The following PREPL variants were observed in gnomAD, a reference collection of about 807,000 sequenced individuals.
PREPL encodes the protein prolyl endopeptidase-like.
Under a neutral mutation model 70.6 loss-of-function variants are expected in PREPL, and 77 were observed. The ratio of observed to expected loss-of-function variants is 1.09; its 90% CI spans 0.91 to 1.32. The LOEUF is 1.32. Ranked by LOEUF, PREPL falls within the 40% of genes most tolerant of loss-of-function variation. The pLI, the probability that PREPL is intolerant of heterozygous loss-of-function variation, is 0.00. For missense variants in PREPL, 1,002 were observed against 778.2 expected, an observed-to-expected ratio of 1.29 and a Z score of -3.42; for synonymous variants, 315 against 264.8, an observed-to-expected ratio of 1.19 and a Z score of -1.84.
chr2:44,320,381 A>C lies in PREPL; in HGVS notation c.*975T>G. On this transcript the variant is annotated 3_prime_UTR_variant, in exon 14 of 14. Transcript: ENST00000409411. ...TCTTTATCGTGGTTCTGAATTTTGG[A>C]GAATCAACACTGTTAAATCTACATA... is the stretch of plus-strand genomic sequence containing the variant. 1 of 1,614,110 alleles carries C rather than the reference A, an allele frequency of 6.2e-7. No homozygotes were observed. Among genetic ancestry groups the C allele is most frequent in the Non-Finnish European group, 8.5e-7 (1 of 1,179,964 alleles).
At position 44,343,945 on chromosome 2, in the gene PREPL, T is replaced by C. The variant is rs138555092; in HGVS notation, c.149A>G (p.Asn50Ser). ...ATTGAATAAAACTTCATAATTATCA[T>C]TGTCTGCTGTATAAAGAAAAATACG... The part of the protein sequence containing the change: ...LVRSKDEEAD[N>S]DNYEVLFNLE... Residue 50 changes from asparagine to serine, a missense_variant, in exon 4 of 14, where the codon AAT becomes AGT. Asn to Ser is a conservative substitution (Grantham distance 46). Coordinates refer to ENST00000409411, the MANE Select transcript of PREPL (RefSeq NM_001171613.2). 3,657 of 1,613,670 alleles carry C rather than the reference T, an allele frequency of 2.3e-3. 10 individuals are homozygous for C. Among genetic ancestry groups the C allele is most frequent in the Middle Eastern group, 3.8e-3 (23 of 6,056 alleles).
At chr2:44,359,916 G>T (rs1158075013) in intron 1 of PREPL, 2 of 532,676 alleles carry the variant, frequency 3.8e-6, no homozygotes, top group Non-Finnish European at 6.6e-6. Context: ...AAAAACCTGT[G>T]TAAGTTAAAG....
At chr2:44,353,602 T>A (rs537664458) in intron 1 of PREPL, among the ~76,000 whole-genome samples, 153 of 150,562 alleles carry the variant, frequency 1.0e-3, no homozygotes, top group East Asian at 3.7e-3. Context: ...AATAAATAAA[T>A]AAATAAATAA....
At chr2:44,334,600 C>T (rs1388317701) in intron 7 of PREPL, among the ~76,000 whole-genome samples, 1 of 152,214 alleles carries the variant, frequency 6.6e-6, no homozygotes, top group Non-Finnish European at 1.5e-5. Flanking sequence ...GGCTGGAATG[C>T]AGTGGCGTGA....
chr2:44,329,256 T>A (rs1026588422), intron 8 of PREPL, 144 bp from the exon 9 acceptor site: 3 of 646,794 alleles, frequency 4.6e-6, no homozygotes, highest in Non-Finnish European at 7.6e-6. Flanking sequence ...AGAAAAAGAA[T>A]TATGGTCTCT....
chr2:44,343,960 AGAAAAATAC>A lies in PREPL; in HGVS notation c.143-18_143-10del. The A allele has an allele frequency of 6.2e-7, 1 of 1,610,524 alleles. No individual in the cohort carries two copies. The highest frequency in any genetic ancestry group is 8.5e-7 in the Non-Finnish European group (1 of 1,178,986). On this transcript the variant is annotated splice_polypyrimidine_tract_variant and intron_variant, in intron 3 of 13. Coordinates refer to ENST00000409411, the MANE Select transcript of PREPL (RefSeq NM_001171613.2). ...ATAATTATCATTGTCTGCTGTATAAAGAAAAATACGAAAGTGATAACTTCAAAGGATGTA... is the reference window on the plus strand; with the variant it reads ...ATAATTATCATTGTCTGCTGTATAAAGAAAGTGATAACTTCAAAGGATGTA...
intron 1 of PREPL, chr2:44,359,807 T>C (rs1677474507): frequency 5.7e-6 from 5 of 878,028 alleles, no homozygotes; most frequent in Non-Finnish European, 7.2e-6. Context: ...GTTCTCAGAG[T>C]AACTAAGATC....
chr2:44,335,173 G>C (rs1014542865), intron 7 of PREPL, among the ~76,000 whole-genome samples: 11 of 152,150 alleles, frequency 7.2e-5, no homozygotes, highest in Admixed American at 7.2e-4. Context: ...TGAAGAGATA[G>C]AAGATACAGA....
intron 1 of PREPL, among the ~76,000 whole-genome samples, chr2:44,346,786 G>A (rs1227452656): frequency 2.6e-5 from 4 of 151,832 alleles, no homozygotes; most frequent in Admixed American, 6.6e-5. Context: ...AATCTTTCGC[G>A]TTTAGGAAGT....
intron 9 of PREPL, among the ~76,000 whole-genome samples, chr2:44,327,322 G>C (rs978710956): frequency 1.3e-5 from 2 of 152,192 alleles, no homozygotes; most frequent in Admixed American, 1.3e-4. Context: ...ACCCAGCAAT[G>C]TGGTGTCATT....
chr2:44,321,579 G>A, intron 13 of PREPL, 134 bp from the exon 14 acceptor site: 1 of 1,494,116 alleles, frequency 6.7e-7, no homozygotes, highest in Non-Finnish European at 8.9e-7. Flanking sequence ...TTTCATTCGA[G>A]AGAGAGGCAG....
At chr2:44,347,528 C>T (rs1209432107) in intron 1 of PREPL, among the ~76,000 whole-genome samples, 7 of 152,186 alleles carry the variant, frequency 4.6e-5, no homozygotes, top group Admixed American at 3.3e-4. Flanking sequence ...AATAAGCTGA[C>T]AGCTTTATTT....
chr2:44,338,436 T>C lies in PREPL; in HGVS notation c.803A>G (p.Asp268Gly). The C allele has an allele frequency of 6.2e-7, 1 of 1,613,244 alleles. No homozygotes were observed. The highest frequency in any genetic ancestry group is 1.7e-4 in the Middle Eastern group (1 of 6,058). ...TKVIDLDMFK[D>G]HCVLFLKHSN... ...GTGCTTCAGAAATAGAACACAGTGA[T>C]CCTTAAACATGTCCAAGTCTATCAC... Residue 268 changes from aspartate to glycine, a missense_variant, in exon 7 of 14, where the codon GAT becomes GGT. Physicochemically the swap from Asp to Gly is moderately conservative, Grantham distance 94. Transcript: ENST00000409411.
At chr2:44,333,767 G>A (rs1222954754) in intron 7 of PREPL, among the ~76,000 whole-genome samples, 1 of 152,202 alleles carries the variant, frequency 6.6e-6, no homozygotes. Context: ...TAACTGGAGA[G>A]TAAAATGTAA....
At chr2:44,351,069 C>G (rs1299356525) in intron 1 of PREPL, among the ~76,000 whole-genome samples, 2 of 151,072 alleles carry the variant, frequency 1.3e-5, no homozygotes, top group East Asian at 3.9e-4. Context: ...ATTACAGGCA[C>G]TTGCTCACCA....
intron 1 of PREPL, among the ~76,000 whole-genome samples, chr2:44,349,219 C>T (rs574168284): frequency 1.9e-4 from 29 of 152,256 alleles, no homozygotes; most frequent in African/African-American, 6.0e-4. Context: ...AGAAAGACAC[C>T]GGACAGCCCT....
chr2:44,321,161 G>A lies in PREPL; in HGVS notation c.*195C>T, dbSNP rs1672906832. On this transcript the variant is annotated 3_prime_UTR_variant, in exon 14 of 14. Transcript: ENST00000409411. Reference sequence around the variant, plus strand: ...TTGAAAATTACTTTCCTAGGTTAATGGGCATGTGCATCAATGGAGAGAATA... The same window carrying A: ...TTGAAAATTACTTTCCTAGGTTAATAGGCATGTGCATCAATGGAGAGAATA... The A allele has an allele frequency of 4.0e-5, 23 of 568,662 alleles. No individual in the cohort carries two copies. In the South Asian group the frequency reaches 4.9e-4, roughly 12 times the overall value. The allele number at this position is 568,662 out of a possible 1,614,324, so 35.2% of individuals were successfully genotyped here.
Position 44,326,931 on chromosome 2 carries a change from G to C in PREPL, c.1263-3C>G, listed in dbSNP as rs766082888. ...GGAGGCCTAACTCACCACCACCTCTGAAATTGAAGGGCAAAAAAGTTTTAG... is the reference window on the plus strand; with the variant it reads ...GGAGGCCTAACTCACCACCACCTCTCAAATTGAAGGGCAAAAAAGTTTTAG... On this transcript the variant is annotated splice_polypyrimidine_tract_variant and splice_region_variant and intron_variant, in intron 9 of 13. Coordinates refer to ENST00000409411, the MANE Select transcript of PREPL (RefSeq NM_001171613.2). 6.2e-7 allele frequency: 1 copy of C among 1,613,330 alleles called. No homozygotes were observed. Among genetic ancestry groups the C allele is most frequent in the Admixed American group, 1.7e-5 (1 of 59,948 alleles).
rs1377138062 is a variant in PREPL at position 44,318,557 on chromosome 2, G to A, written c.*2799C>T. The A allele has an allele frequency of 1.3e-5, 2 of 152,622 alleles. No homozygotes were observed. The highest frequency in any genetic ancestry group is 1.9e-4 in the East Asian group (1 of 5,206). The allele number at this position is 152,622 out of a possible 1,614,324, so 9.5% of individuals were successfully genotyped here. A position where few individuals can be genotyped will look rare whatever the true frequency, so the allele number is the denominator to read the frequency against. On this transcript the variant is annotated 3_prime_UTR_variant, in exon 14 of 14. Transcript: ENST00000409411. ...CAGGTATTCAATAAAGTATAGAATG[G>A]TAACATATCACCAACTGTGTAAAGA...
Sources: gnomAD v4.1 joint callset for allele counts (sites outside exome capture counted in the v4.1 genomes callset) on GRCh38, gnomAD v4.1.1 for gene constraint, MANE v1.5 for transcripts, NCBI Gene and HGNC (gene_info 2026-07-23, HGNC 2026-07-21) for gene names.